The following FSTL5 variants were observed in gnomAD, a reference collection of about 807,000 sequenced individuals.
The protein encoded by FSTL5 is follistatin like 5.
Under a neutral mutation model 89.1 loss-of-function variants are expected in FSTL5, and 62 were observed. The observed-to-expected ratio is 0.70, with a 90% CI of 0.57 to 0.86. The LOEUF (loss-of-function observed/expected upper bound fraction) is 0.86, where lower values mean the gene tolerates loss of function less well. Ranked by LOEUF, FSTL5 falls within the 40% of genes least tolerant of loss-of-function variation. FSTL5 has a pLI of 0.00. For synonymous variants in FSTL5, 383 were observed against 346.2 expected (o/e 1.11, Z -1.18); for missense variants, 1,057 against 1,001.6 (o/e 1.06, Z -0.75).
chr4:161,891,944 T>A (rs886471960), intron 4 of FSTL5, among the ~76,000 whole-genome samples: 1 of 152,086 alleles, frequency 6.6e-6, no homozygotes, highest in African/African-American at 2.4e-5. Flanking sequence ...CTCTTCAAAA[T>A]AAGTTTTTGC....
chr4:161,394,553 G>T (rs928672314), intron 15 of FSTL5, among the ~76,000 whole-genome samples: 6 of 152,160 alleles, frequency 3.9e-5, no homozygotes, highest in Non-Finnish European at 5.9e-5. Context: ...GAGATTACAG[G>T]CGTGAGCCAC....
At chr4:162,021,793 T>C (rs1321181433) in intron 3 of FSTL5, among the ~76,000 whole-genome samples, 1 of 151,814 alleles carries the variant, frequency 6.6e-6, no homozygotes, top group Admixed American at 6.6e-5. Context: ...GTTTGCTGGG[T>C]AAGAGATAAG....
chr4:161,831,940 T>G (rs952964776), intron 4 of FSTL5, among the ~76,000 whole-genome samples: 1 of 151,998 alleles, frequency 6.6e-6, no homozygotes, highest in Non-Finnish European at 1.5e-5. Context: ...CTTTTTAACC[T>G]TATTAAGTGA....
intron 3 of FSTL5, among the ~76,000 whole-genome samples, chr4:161,980,049 AAGAAAG>A (rs1053666095): frequency 1.3e-5 from 2 of 150,644 alleles, no homozygotes; most frequent in African/African-American, 4.9e-5. Flanking sequence ...AAATGAAGGA[AAGAAAG>A]AGAAAAAGAG....
At chr4:162,040,349 A>C (rs960650115) in intron 2 of FSTL5, among the ~76,000 whole-genome samples, 4 of 152,098 alleles carry the variant, frequency 2.6e-5, no homozygotes, top group African/African-American at 9.6e-5. Flanking sequence ...CAGTAGATCC[A>C]GTCTCCAATA....
chr4:162,143,788 A>T (rs1732852601), intron 1 of FSTL5, among the ~76,000 whole-genome samples: 1 of 18,014 alleles, frequency 5.6e-5, no homozygotes. Flanking sequence ...CTTTAAATAC[A>T]CACACACACA....
intron 2 of FSTL5, among the ~76,000 whole-genome samples, chr4:162,043,881 G>A (rs1222503001): frequency 3.3e-5 from 5 of 152,114 alleles, no homozygotes; most frequent in Admixed American, 6.6e-5. Context: ...CTGTAAGATT[G>A]TGGCAATTTA....
chr4:162,088,806 T>G (rs944116726), intron 2 of FSTL5, among the ~76,000 whole-genome samples: 2 of 152,112 alleles, frequency 1.3e-5, no homozygotes, highest in Admixed American at 1.3e-4. Context: ...TTCTCAAATG[T>G]TTAAGTGATT....
chr4:161,982,965 A>G (rs1279841225), intron 3 of FSTL5, among the ~76,000 whole-genome samples: 1 of 152,190 alleles, frequency 6.6e-6, no homozygotes, highest in Non-Finnish European at 1.5e-5. Flanking sequence ...CAATATTATC[A>G]TATTCAAATC....
rs1204878025 is a variant in FSTL5, at chr4:161,976,593, C to T, written c.161-55941G>A. ...GCCTTCCGTGTTCACGCCATTCTCC[C>T]GCCTCAGCCTCTCGAGTAGCTGGGA... On this transcript the variant is annotated intron_variant, in intron 3 of 15. Coordinates refer to ENST00000306100, the MANE Select transcript of FSTL5 (RefSeq NM_020116.5). Among the ~76,000 whole-genome samples the T allele has an allele frequency of 7.9e-5, 12 of 152,032 alleles. No individual in the cohort carries two copies. The East Asian group carries it at 2.3e-3, about 30-fold the overall frequency.
At chr4:161,516,121 T>C (rs2126508312) in intron 10 of FSTL5, among the ~76,000 whole-genome samples, 1 of 148,664 alleles carries the variant, frequency 6.7e-6, no homozygotes, top group African/African-American at 2.4e-5. Context: ...TTATATATTA[T>C]ATTCTTATAT....
At chr4:161,539,048 ACAGGCGTGAGC>A (rs1328989521) in intron 9 of FSTL5, among the ~76,000 whole-genome samples, 1 of 152,124 alleles carries the variant, frequency 6.6e-6, no homozygotes, top group Non-Finnish European at 1.5e-5. Context: ...GGCTGGCATT[ACAGGCGTGAGC>A]CACCCCACCT....
intron 4 of FSTL5, among the ~76,000 whole-genome samples, chr4:161,835,878 T>C (rs1294719024): frequency 1.3e-5 from 2 of 150,492 alleles, no homozygotes. Context: ...AGTTCAACCA[T>C]TGTGGAAGTC....
rs538158653 is a variant in FSTL5, at chr4:162,136,236, G to C, written c.-16-24824C>G. Among the ~76,000 whole-genome samples, 30 of 152,082 alleles carry C rather than the reference G, an allele frequency of 2.0e-4. 2 individuals carry two copies. The South Asian group carries it at 5.8e-3, about 29-fold the overall frequency. ...AATATGTACCAAAACATCTCAACAT[G>C]CATATTTAACATCTTGCTGTGAGAT... On this transcript the variant is annotated intron_variant, in intron 1 of 15. Transcript: ENST00000306100.
chr4:161,611,884 G>A (rs1459673283), intron 7 of FSTL5, among the ~76,000 whole-genome samples: 1 of 152,288 alleles, frequency 6.6e-6, no homozygotes, highest in African/African-American at 2.4e-5. Flanking sequence ...CGAATGAAAA[G>A]GTCAGAGCTG....
chr4:161,484,732 G>A (rs1174520852), intron 12 of FSTL5, among the ~76,000 whole-genome samples: 1 of 152,138 alleles, frequency 6.6e-6, no homozygotes, highest in African/African-American at 2.4e-5. Flanking sequence ...TTTATTGAGA[G>A]CTTACTATGT....
chr4:161,785,171 A>G (rs1250188399), intron 4 of FSTL5, among the ~76,000 whole-genome samples: 1 of 152,188 alleles, frequency 6.6e-6, no homozygotes, highest in Non-Finnish European at 1.5e-5. Flanking sequence ...TAGAATGGTA[A>G]GCACATATCT....
At chr4:161,787,911 C>A (rs1036530517) in intron 4 of FSTL5, among the ~76,000 whole-genome samples, 6 of 152,078 alleles carry the variant, frequency 3.9e-5, no homozygotes. Context: ...TTTCTCAAGT[C>A]ACTTTTGTTG....
At chr4:161,726,782 A>G (rs1233375982) in intron 6 of FSTL5, among the ~76,000 whole-genome samples, 1 of 151,986 alleles carries the variant, frequency 6.6e-6, no homozygotes, top group Non-Finnish European at 1.5e-5. Context: ...ATACATATAT[A>G]TATTTCCTCT....
Sources: gnomAD v4.1 joint callset for allele counts (sites outside exome capture counted in the v4.1 genomes callset) on GRCh38, gnomAD v4.1.1 for gene constraint, MANE v1.5 for transcripts, NCBI Gene and HGNC (gene_info 2026-07-23, HGNC 2026-07-21) for gene names.